Variants in TMEM108 observed in about 807,000 individuals in gnomAD.
The protein encoded by TMEM108 is transmembrane protein 108.
In TMEM108, 12 loss-of-function variants were observed where a neutral mutation model predicts 35.1. The ratio of observed to expected loss-of-function variants is 0.34; its 90% confidence interval spans 0.22 to 0.55. The LOEUF is 0.55. TMEM108 is among the 20% of genes least tolerant of loss of function. The probability of loss-of-function intolerance (pLI) is 0.89; values close to 1 mark genes in which losing one functional copy is unlikely to be tolerated. For missense variants in TMEM108, 680 were observed against 753.3 expected, an observed-to-expected ratio of 0.90 and a Z score of 1.14; for synonymous variants, 287 against 308.6, an observed-to-expected ratio of 0.93 and a Z score of 0.73.
In TMEM108 at chr3:133,380,310, G is replaced by A. The variant is rs140878635; in HGVS notation, c.599G>A (p.Arg200Gln). 15 of 1,614,156 alleles carry A rather than the reference G, an allele frequency of 9.3e-6. No individual in the cohort carries two copies. In the East Asian group the frequency reaches 1.1e-4, roughly 12 times the overall value. ...HSRSKEGQRG[R>Q]NPSSTPLGQK... is the part of the protein sequence containing the mutation. ...AGGAGTAAAGAAGGACAGCGAGGAC[G>A]AAATCCAAGCTCCACACCTCTGGGG... The change falls in exon 4 of 6, where the codon CGA becomes CAA. Residue 200 changes from arginine to glutamine, a missense_variant. Coordinates refer to ENST00000321871, the MANE Select transcript of TMEM108 (RefSeq NM_023943.4). The surrounding 1 kb of genome is among the most constrained non-coding windows in gnomAD (Gnocchi z 5.3).
chr3:133,313,991 C>T (rs532808973), intron 3 of TMEM108, among the ~76,000 whole-genome samples: 4 of 152,058 alleles, frequency 2.6e-5, no homozygotes, highest in Non-Finnish European at 4.4e-5. Flanking sequence ...TTTTCTTATC[C>T]GCTATAATCT....
chr3:133,220,657 A>C (rs1317687690), intron 2 of TMEM108, among the ~76,000 whole-genome samples: 1 of 152,174 alleles, frequency 6.6e-6, no homozygotes, highest in East Asian at 1.9e-4. Context: ...ATTTCCCTAC[A>C]CATGAAGCAA....
chr3:133,051,338 G>A (rs1465833520), intron 2 of TMEM108, among the ~76,000 whole-genome samples: 4 of 152,014 alleles, frequency 2.6e-5, no homozygotes, highest in African/African-American at 9.7e-5. Flanking sequence ...ATCTGTTAAG[G>A]TCTTTGGACT....
At chr3:133,337,121 G>A (rs1183985175) in intron 3 of TMEM108, among the ~76,000 whole-genome samples, 7 of 152,290 alleles carry the variant, frequency 4.6e-5, no homozygotes, top group Middle Eastern at 3.4e-3. Flanking sequence ...CTGGGGCCTG[G>A]AGAAACTTGC....
At chr3:133,277,594 G>A (rs897146819) in intron 3 of TMEM108, among the ~76,000 whole-genome samples, 1 of 152,164 alleles carries the variant, frequency 6.6e-6, no homozygotes, top group African/African-American at 2.4e-5. Context: ...TGGTGTAGTG[G>A]TAAGAGCCCA....
chr3:133,177,736 C>T (rs932421657), intron 2 of TMEM108, among the ~76,000 whole-genome samples: 2 of 152,114 alleles, frequency 1.3e-5, no homozygotes, highest in African/African-American at 4.8e-5. Flanking sequence ...GGAAGCATTC[C>T]CTTTGAAAAC....
intron 2 of TMEM108, among the ~76,000 whole-genome samples, chr3:133,053,977 A>C (rs1018812126): frequency 1.3e-5 from 2 of 152,150 alleles, no homozygotes; most frequent in African/African-American, 4.8e-5. Flanking sequence ...AGAGCTGCTG[A>C]TGCTCTCTCC....
intron 2 of TMEM108, among the ~76,000 whole-genome samples, chr3:133,220,081 GGTT>G (rs1945967128): frequency 8.4e-6 from 1 of 118,764 alleles, no homozygotes; most frequent in Admixed American, 8.9e-5. Context: ...TTGTTTCTTC[GGTT>G]TTTTTTTTTT....
At chr3:133,323,714 C>T (rs2071294687) in intron 3 of TMEM108, among the ~76,000 whole-genome samples, 1 of 152,106 alleles carries the variant, frequency 6.6e-6, no homozygotes, top group Non-Finnish European at 1.5e-5. Context: ...CCCCACATAG[C>T]CAAAGCAATA....
At chr3:133,169,840 G>A (rs1576358273) in intron 2 of TMEM108, among the ~76,000 whole-genome samples, 1 of 151,624 alleles carries the variant, frequency 6.6e-6, no homozygotes, top group African/African-American at 2.4e-5. Context: ...GTGTAGATTA[G>A]CCCCAATGAG....
At chr3:133,186,879 AATGTGTGTGTGT>A (rs1204913134) in intron 2 of TMEM108, among the ~76,000 whole-genome samples, 1 of 152,100 alleles carries the variant, frequency 6.6e-6, no homozygotes, top group Admixed American at 6.5e-5. Context: ...CACATATGTG[AATGTGTGTGTGT>A]ATGTGTGTGT....
intron 2 of TMEM108, among the ~76,000 whole-genome samples, chr3:133,155,394 G>T (rs1400186020): frequency 6.6e-6 from 1 of 152,104 alleles, no homozygotes; most frequent in Non-Finnish European, 1.5e-5. Flanking sequence ...GGATTGCTGG[G>T]TCGAATGGTA....
intron 4 of TMEM108, chr3:133,386,627 C>A: frequency 7.0e-7 from 1 of 1,424,940 alleles, no homozygotes; most frequent in Non-Finnish European, 9.1e-7. Context: ...TCCATGACCT[C>A]CTCCAGAGTC....
Position 133,135,898 on chromosome 3 carries a change from T to C in TMEM108, c.-47+89878T>C, listed in dbSNP as rs150860832. 4.1e-3 allele frequency among the ~76,000 whole-genome samples: 621 copies of C among 152,238 alleles called. 10 individuals are homozygous for C. Among genetic ancestry groups the C allele is most frequent in the African/African-American group, 0.014 (596 of 41,544 alleles). On this transcript the variant is annotated intron_variant, in intron 2 of 5. Coordinates refer to ENST00000321871, the MANE Select transcript of TMEM108 (RefSeq NM_023943.4). Reference sequence around the variant, plus strand: ...CATTAGAGATGATGAGTTTAATGTGTAGCATAAAACGTTTTATGTGCTTCA... The same window carrying C: ...CATTAGAGATGATGAGTTTAATGTGCAGCATAAAACGTTTTATGTGCTTCA...
intron 2 of TMEM108, among the ~76,000 whole-genome samples, chr3:133,184,748 C>T (rs1945396088): frequency 6.6e-6 from 1 of 152,180 alleles, no homozygotes; most frequent in Non-Finnish European, 1.5e-5. Flanking sequence ...AGTGTGGAGG[C>T]ATCCCAGAGA....
At chr3:133,055,323 AT>A (rs1478065020) in intron 2 of TMEM108, among the ~76,000 whole-genome samples, 3 of 152,148 alleles carry the variant, frequency 2.0e-5, no homozygotes, top group African/African-American at 7.2e-5. Context: ...TGCATATATA[AT>A]TTTTCTACAA....
At chr3:133,070,637 A>G (rs1943663875) in intron 2 of TMEM108, among the ~76,000 whole-genome samples, 1 of 152,182 alleles carries the variant, frequency 6.6e-6, no homozygotes, top group African/African-American at 2.4e-5. Context: ...CCAAGGACTC[A>G]TTCTTTGTAA....
chr3:133,297,183 T>C (rs1947157693), intron 3 of TMEM108, among the ~76,000 whole-genome samples: 1 of 152,208 alleles, frequency 6.6e-6, no homozygotes, highest in Non-Finnish European at 1.5e-5. Context: ...TCGCTGTAGT[T>C]GCCAGGACAG....
At chr3:133,358,343 C>A (rs1197494053) in intron 3 of TMEM108, among the ~76,000 whole-genome samples, 1 of 151,782 alleles carries the variant, frequency 6.6e-6, no homozygotes, top group Non-Finnish European at 1.5e-5. Context: ...GGCTAATTTT[C>A]GTATTTTTAG....
Sources: gnomAD v4.1 joint callset for allele counts (sites outside exome capture counted in the v4.1 genomes callset) on GRCh38, gnomAD v4.1.1 for gene constraint, Gnocchi (gnomAD v3.1) non-coding constraint, MANE v1.5 for transcripts, NCBI Gene and HGNC (gene_info 2026-07-23, HGNC 2026-07-21) for gene names.